The following SLC27A2 variants were observed in gnomAD, a reference collection of about 807,000 sequenced individuals.
SLC27A2 encodes solute carrier family 27 member 2.
A neutral mutation model predicts 60.0 loss-of-function variants in SLC27A2; 54 were observed. The ratio of observed to expected loss-of-function variants is 0.90; its 90% CI spans 0.72 to 1.13. The LOEUF is 1.13. Among genes scored for constraint, SLC27A2 ranks in the 50% most tolerant of loss-of-function variants. The pLI is 0.00. For missense variants in SLC27A2, 739 were observed against 777.6 expected, an observed-to-expected ratio of 0.95 and a Z score of 0.59; for synonymous variants, 297 against 297.6, an observed-to-expected ratio of 1.00 and a Z score of 0.02.
chr15:50,188,937 A>G (rs8031851), intron 1 of SLC27A2, among the ~76,000 whole-genome samples: 129,138 of 152,042 alleles, frequency 0.85, 55,585 homozygotes, highest in East Asian at 0.95. Context: ...TCCAGCCGGG[A>G]TGACAGAGTG....
intron 4 of SLC27A2, among the ~76,000 whole-genome samples, chr15:50,220,477 T>A (rs537199037): frequency 6.6e-6 from 1 of 152,028 alleles, no homozygotes; most frequent in Admixed American, 6.5e-5. Context: ...ATAAACGAAG[T>A]GGGTAGGAGA....
At chr15:50,219,875 G>GT (rs910452230) in intron 4 of SLC27A2, among the ~76,000 whole-genome samples, 1 of 152,022 alleles carries the variant, frequency 6.6e-6, no homozygotes, top group African/African-American at 2.4e-5. Context: ...GACGAAGAAG[G>GT]TTTTTTTCTT....
At chr15:50,184,201 C>T (rs1438970069) in intron 1 of SLC27A2, among the ~76,000 whole-genome samples, 1 of 151,800 alleles carries the variant, frequency 6.6e-6, no homozygotes, top group Non-Finnish European at 1.5e-5. Context: ...CCATGTTGCC[C>T]AGGCTGGTCT....
chr15:50,196,053 C>CAAAAAA (rs1163958587), intron 1 of SLC27A2, among the ~76,000 whole-genome samples: 1 of 1,818 alleles, frequency 5.5e-4, no homozygotes, highest in African/African-American at 1.1e-3. Context: ...GACTCTGTCT[C>CAAAAAA]AAAAAAAAAA....
chr15:50,223,931 G>A (rs2045261693), intron 5 of SLC27A2, among the ~76,000 whole-genome samples: 1 of 152,202 alleles, frequency 6.6e-6, no homozygotes, highest in Middle Eastern at 3.2e-3. Flanking sequence ...TGTCCCCAGG[G>A]ACAGGCCAGC....
At chr15:50,207,789 CAAAAA>C (rs535929329) in intron 4 of SLC27A2, among the ~76,000 whole-genome samples, 2 of 75,644 alleles carry the variant, frequency 2.6e-5, no homozygotes, top group Non-Finnish European at 2.7e-5. Flanking sequence ...GACCCTGTCT[CAAAAA>C]AAAAAAAAAA....
At chr15:50,213,302 A>G (rs561787114) in intron 4 of SLC27A2, among the ~76,000 whole-genome samples, 1 of 152,364 alleles carries the variant, frequency 6.6e-6, no homozygotes, top group South Asian at 2.1e-4. Flanking sequence ...CCAAATTTAT[A>G]AAGCAATTGC....
In SLC27A2 at chr15:50,236,239, T is replaced by TAACA. The variant is rs555717751; in HGVS notation, c.*144_*147dup. ...ACCCGTAAAGGGAGACTTTTTTAAA[T>TAACA]AACAGTTGAGTCTTTGCAAGTAAAA... is the stretch of plus-strand genomic sequence containing the variant. On this transcript the variant is annotated 3_prime_UTR_variant, in exon 10 of 10. Transcript: ENST00000267842. The TAACA allele has an allele frequency of 5.3e-4, 301 of 565,772 alleles. No individual in the cohort carries two copies. The highest frequency in any genetic ancestry group is 5.1e-3 in the African/African-American group (266 of 52,182). 35.0% of individuals were successfully genotyped at this position (565,772 alleles called of 1,614,324 possible).
At chr15:50,192,277 T>C (rs1197690450) in intron 1 of SLC27A2, among the ~76,000 whole-genome samples, 2 of 151,724 alleles carry the variant, frequency 1.3e-5, no homozygotes, top group African/African-American at 4.9e-5. Context: ...AACTCAAGTC[T>C]GCCCAAATAA....
intron 1 of SLC27A2, among the ~76,000 whole-genome samples, chr15:50,193,854 G>A (rs143098128): frequency 6.6e-5 from 10 of 152,254 alleles, no homozygotes; most frequent in South Asian, 2.1e-4. Flanking sequence ...TCTAATAGAG[G>A]AGAAAATGAA....
chr15:50,196,770 A>G lies in SLC27A2; in HGVS notation c.479-730A>G, dbSNP rs74014936. ...TCACTCCTTTTTTTTCCCTCAGATT[A>G]GAAAACAGGCTTTTGAAATTTAGAG... On this transcript the variant is annotated intron_variant, in intron 1 of 9. Transcript: ENST00000267842. 3.5e-3 allele frequency among the ~76,000 whole-genome samples: 536 copies of G among 152,320 alleles called. 3 individuals are homozygous for G. The highest frequency in any genetic ancestry group is 0.013 in the African/African-American group (525 of 41,566).
intron 8 of SLC27A2, among the ~76,000 whole-genome samples, chr15:50,231,104 A>G (rs1478540435): frequency 6.6e-6 from 1 of 152,174 alleles, no homozygotes; most frequent in African/African-American, 2.4e-5. Flanking sequence ...ATGATAGTAC[A>G]ACATTGTAAG....
chr15:50,217,251 TAAAAA>T (rs2140908920), intron 4 of SLC27A2, among the ~76,000 whole-genome samples: 1 of 151,536 alleles, frequency 6.6e-6, no homozygotes, highest in Non-Finnish European at 1.5e-5. Flanking sequence ...TATGGAAAAA[TAAAAA>T]TAAATAAATA....
At chr15:50,232,567 A>G (rs983634248) in intron 8 of SLC27A2, among the ~76,000 whole-genome samples, 3 of 152,084 alleles carry the variant, frequency 2.0e-5, no homozygotes, top group Non-Finnish European at 4.4e-5. Context: ...ACTAGTCCCA[A>G]ACCACCCTCC....
chr15:50,216,958 A>G (rs2045202541), intron 4 of SLC27A2, among the ~76,000 whole-genome samples: 1 of 151,106 alleles, frequency 6.6e-6, no homozygotes, highest in Non-Finnish European at 1.5e-5. Context: ...GACCTGGATG[A>G]GACTGGAGAC....
chr15:50,197,208 C>T (rs924545690), intron 1 of SLC27A2, among the ~76,000 whole-genome samples: 1 of 151,908 alleles, frequency 6.6e-6, no homozygotes, highest in African/African-American at 2.4e-5. Flanking sequence ...GTTTAAAATG[C>T]ATAATAGGGC....
chr15:50,229,121 G>T, intron 8 of SLC27A2, 79 bp downstream of exon 8: 1 of 857,068 alleles, frequency 1.2e-6, no homozygotes, highest in South Asian at 1.5e-5. Flanking sequence ...GTTTGTCATT[G>T]CTTTCTCCCG....
intron 2 of SLC27A2, among the ~76,000 whole-genome samples, chr15:50,202,015 A>G (rs2045068398): frequency 6.6e-6 from 1 of 152,186 alleles, no homozygotes; most frequent in African/African-American, 2.4e-5. Flanking sequence ...TCATATATAA[A>G]CTTGTTATGG....
intron 1 of SLC27A2, among the ~76,000 whole-genome samples, chr15:50,196,116 ATATATATATG>A (rs1390606463): frequency 4.1e-5 from 4 of 98,308 alleles, no homozygotes; most frequent in East Asian, 6.2e-4. Context: ...ATATATATAT[ATATATATATG>A]TATGTACATT....
Sources: allele counts gnomAD v4.1 joint callset (sites outside exome capture counted in the v4.1 genomes callset), GRCh38; gene constraint gnomAD v4.1.1; transcripts MANE v1.5; gene names NCBI Gene and HGNC (gene_info 2026-07-23, HGNC 2026-07-21).